The following KNL1 variants were observed in gnomAD, a reference collection of about 807,000 sequenced individuals.
KNL1 encodes the protein kinetochore scaffold 1.
Under a neutral mutation model 201.3 loss-of-function variants are expected in KNL1, and 66 were observed. The observed-to-expected ratio is 0.33, with a 90% CI of 0.27 to 0.40. KNL1 has a LOEUF of 0.40. KNL1 is among the 10% of genes least tolerant of loss of function. KNL1 has a pLI of 1.00. For missense variants in KNL1, 2,815 were observed against 2,690.5 expected, an observed-to-expected ratio of 1.05 and a Z score of -1.02; for synonymous variants, 895 against 899.2, an observed-to-expected ratio of 1.00 and a Z score of 0.08.
Position 40,628,052 on chromosome 15 carries a change from C to T in KNL1, c.5377-18C>T. ...TGTATATTTTATTCTGATGATATTC[C>T]TTAATTGACAATTTCAGATTTTTGA... On this transcript the variant is annotated intron_variant, in intron 10 of 25. Transcript: ENST00000399668. The T allele has an allele frequency of 6.4e-7, 1 of 1,559,074 alleles. No homozygotes were observed. Among genetic ancestry groups the T allele is most frequent in the Non-Finnish European group, 8.7e-7 (1 of 1,149,622 alleles).
At position 40,595,836 on chromosome 15, in the gene KNL1, G is replaced by A. The variant is rs116839091; in HGVS notation, c.-18+1444G>A. On this transcript the variant is annotated intron_variant, in intron 1 of 25. Transcript: ENST00000399668. ...CTATATTGGACAGCACAGGTCTAGA[G>A]TCTCTGTCATTTCACTCTTATCCTC... 4.8e-3 allele frequency among the ~76,000 whole-genome samples: 727 copies of A among 152,246 alleles called. 4 individuals are homozygous for A. The highest frequency in any genetic ancestry group is 0.017 in the African/African-American group (701 of 41,548).
intron 21 of KNL1, among the ~76,000 whole-genome samples, chr15:40,653,417 C>T (rs1893630772): frequency 6.6e-6 from 1 of 152,126 alleles, no homozygotes; most frequent in Non-Finnish European, 1.5e-5. Context: ...GGTCTCAACT[C>T]CTGGCCTCAA....
chr15:40,615,420 A>G (rs755746777), intron 8 of KNL1, 42 bp downstream of exon 8: 15 of 569,552 alleles, frequency 2.6e-5, no homozygotes, highest in South Asian at 2.0e-4. Context: ...AAGATAGTCT[A>G]TTCATCTAGG....
intron 25 of KNL1, among the ~76,000 whole-genome samples, chr15:40,660,756 C>G (rs1029829297): frequency 1.4e-5 from 2 of 147,578 alleles, no homozygotes; most frequent in Admixed American, 1.3e-4. Flanking sequence ...ATCACTTGAG[C>G]TTGGGAGTAT....
At position 40,602,978 on chromosome 15, in the gene KNL1, T is replaced by A. The variant is rs1443757638; in HGVS notation, c.35+12T>A. On this transcript the variant is annotated intron_variant, in intron 2 of 25. Transcript: ENST00000399668. ...GCTAATGAAGAAAAGTAAGTTCATT[T>A]AATGCAGCTAAAAATATTATATTCT... 5 of 1,557,292 alleles carry A rather than the reference T, an allele frequency of 3.2e-6. No individual in the cohort carries two copies. Among genetic ancestry groups the A allele is most frequent in the Non-Finnish European group, 4.4e-6 (5 of 1,133,526 alleles).
At chr15:40,658,098 T>C (rs1433293231) in intron 24 of KNL1, among the ~76,000 whole-genome samples, 2 of 151,900 alleles carry the variant, frequency 1.3e-5, no homozygotes, top group African/African-American at 2.4e-5. Flanking sequence ...AAACCCCGTC[T>C]CTACTAAAAA....
intron 2 of KNL1, among the ~76,000 whole-genome samples, chr15:40,603,860 A>T (rs1016715099): frequency 3.6e-4 from 55 of 152,232 alleles, no homozygotes; most frequent in Admixed American, 3.5e-3. Context: ...TATGCAAATT[A>T]AGAGGTGTTT....
chr15:40,660,553 C>G (rs1333014244), intron 25 of KNL1, among the ~76,000 whole-genome samples: 1 of 149,848 alleles, frequency 6.7e-6, no homozygotes, highest in African/African-American at 2.5e-5. Flanking sequence ...GTAATCCCAG[C>G]TACTGGGGAG....
chr15:40,648,221 C>T (rs1893452516), intron 17 of KNL1, among the ~76,000 whole-genome samples: 1 of 152,056 alleles, frequency 6.6e-6, no homozygotes, highest in African/African-American at 2.4e-5. Context: ...CCTTAAACAC[C>T]TTAAACTGTG....
chr15:40,615,365 C>T lies in KNL1; in HGVS notation c.309C>T (p.Tyr103=), dbSNP rs2141712326. ...LIQNKKLEDN[Y]CEITGMNTLL... is the part of the protein sequence containing the mutation. Reference sequence around the variant, plus strand: ...GGAATAAGAAATTAGAAGATAATTACTGTGAAATTACTGGTGAGTATGACT... The same window carrying T: ...GGAATAAGAAATTAGAAGATAATTATTGTGAAATTACTGGTGAGTATGACT... The change falls in exon 8 of 26, where the codon TAC becomes TAT. Residue 103 remains tyrosine, a synonymous_variant. Coordinates refer to ENST00000399668, the MANE Select transcript of KNL1 (RefSeq NM_144508.5). 1.4e-6 allele frequency: 1 copy of T among 708,012 alleles called. No individual in the cohort carries two copies. Among genetic ancestry groups the T allele is most frequent in the Non-Finnish European group, 2.3e-6 (1 of 432,712 alleles). 43.9% of individuals were successfully genotyped at this position (708,012 alleles called of 1,614,324 possible). A position where few individuals can be genotyped will look rare whatever the true frequency, so the allele number is the denominator to read the frequency against.
Position 40,622,099 on chromosome 15 carries a change from G to A in KNL1, c.1835G>A (p.Cys612Tyr), listed in dbSNP as rs904146366. Residue 612 changes from cysteine to tyrosine, a missense_variant, in exon 10 of 26, where the codon TGT (cysteine) becomes TAT (tyrosine). Around this residue, in one of 3 missense-constraint regions of KNL1, gnomAD observed 2,464 missense variants for 2,291.7 expected, o/e 1.08. Coordinates refer to ENST00000399668, the MANE Select transcript of KNL1 (RefSeq NM_144508.5). ...HSQSKSSSDE[C>Y]EEITKSRNEP... Reference sequence around the variant, plus strand: ...CAGAGCAAAAGCTCTTCAGATGAATGTGAAGAAATTACCAAAAGTCGTAAT... The same window carrying A: ...CAGAGCAAAAGCTCTTCAGATGAATATGAAGAAATTACCAAAAGTCGTAAT... The A allele has an allele frequency of 3.1e-6, 5 of 1,613,988 alleles. No individual in the cohort carries two copies. Among genetic ancestry groups the A allele is most frequent in the African/African-American group, 2.7e-5 (2 of 74,948 alleles).
At chr15:40,619,045 T>C in intron 9 of KNL1, 34 bp downstream of exon 9, 3 of 1,348,432 alleles carry the variant, frequency 2.2e-6, no homozygotes, top group East Asian at 4.6e-5. Flanking sequence ...CATATTGTAA[T>C]GTCATTTGAT....
At chr15:40,651,075 CAA>C (rs1048151803) in intron 19 of KNL1, among the ~76,000 whole-genome samples, 3 of 116,056 alleles carry the variant, frequency 2.6e-5, no homozygotes, top group Admixed American at 8.7e-5. Flanking sequence ...CAAATACAGG[CAA>C]AAAAAAAAAA....
At chr15:40,625,891 C>A in intron 10 of KNL1, 5 of 398,302 alleles carry the variant, frequency 1.3e-5, no homozygotes, top group South Asian at 3.4e-5. Flanking sequence ...CAAAAAGTAG[C>A]CAAAGTTAAA....
chr15:40,655,616 T>A (rs1164317006), intron 22 of KNL1, among the ~76,000 whole-genome samples: 4 of 139,218 alleles, frequency 2.9e-5, no homozygotes, highest in African/African-American at 8.0e-5. Flanking sequence ...AAAAAAGATT[T>A]AAAAAAAATT....
At chr15:40,617,575 C>G (rs1453157481) in intron 8 of KNL1, among the ~76,000 whole-genome samples, 1 of 152,204 alleles carries the variant, frequency 6.6e-6, no homozygotes, top group Admixed American at 6.5e-5. Context: ...TCAAGTAGCA[C>G]TGGCTTAAAT....
At chr15:40,633,870 T>C (rs1289574171) in intron 13 of KNL1, among the ~76,000 whole-genome samples, 2 of 152,156 alleles carry the variant, frequency 1.3e-5, no homozygotes, top group Non-Finnish European at 2.9e-5. Flanking sequence ...TTCCAACTTA[T>C]AAATAAAACA....
intron 13 of KNL1, among the ~76,000 whole-genome samples, chr15:40,634,697 C>T (rs971740024): frequency 1.3e-5 from 2 of 151,904 alleles, no homozygotes; most frequent in African/African-American, 4.8e-5. Context: ...TTCTACTTTT[C>T]TTATAAAGGG....
chr15:40,624,849 A>T lies in KNL1; in HGVS notation c.4585A>T (p.Thr1529Ser), dbSNP rs761485097. The change falls in exon 10 of 26, where the codon ACT (threonine) becomes TCT (serine). Residue 1529 changes from threonine to serine, a missense_variant. By Grantham distance (58) the Thr-to-Ser change is moderately conservative. This residue lies in a region of KNL1 where 2,464 missense variants were observed against 2,291.7 expected (regional missense o/e 1.08). Coordinates refer to ENST00000399668, the MANE Select transcript of KNL1 (RefSeq NM_144508.5). The stretch of plus-strand genomic sequence containing the variant: ...AGATTTCCACAGTAACTCAGACGTA[A>T]CTAAGCAAGTCATTCAAACTCATGT... ...ALDFHSNSDV[T>S]KQVIQTHVNA... The T allele has an allele frequency of 2.5e-6, 4 of 1,612,824 alleles. No individual in the cohort carries two copies. In the African/African-American group the frequency reaches 5.3e-5, roughly 22 times the overall value.
Sources: gnomAD v4.1 joint callset for allele counts (sites outside exome capture counted in the v4.1 genomes callset) on GRCh38, gnomAD v4.1.1 for gene constraint, gnomAD v4.1.1 regional missense constraint, MANE v1.5 for transcripts, NCBI Gene and HGNC (gene_info 2026-07-23, HGNC 2026-07-21) for gene names.